Variants in ZFAT observed in about 807,000 individuals in gnomAD.
The protein encoded by ZFAT is zinc finger and AT-hook domain containing, also known as zinc finger protein ZFAT.
Under a neutral mutation model 117.7 loss-of-function variants are expected in ZFAT, and 64 were observed. The ratio of observed to expected loss-of-function variants is 0.54; its 90% CI spans 0.44 to 0.67. The LOEUF (loss-of-function observed/expected upper bound fraction) is 0.67. Ranked by LOEUF, ZFAT falls within the 30% of genes least tolerant of loss-of-function variation. The probability of loss-of-function intolerance (pLI) is 0.00; values close to 1 mark genes in which losing one functional copy is unlikely to be tolerated. For synonymous variants in ZFAT, 679 were observed against 615.0 expected, an observed-to-expected ratio of 1.10 and a Z score of -1.54; for missense variants, 1,433 against 1,584.5, an observed-to-expected ratio of 0.90 and a Z score of 1.62.
At chr8:134,726,740 C>T in the ZFAT span, among the ~76,000 whole-genome samples, 2 of 151,930 alleles carry the variant, frequency 1.3e-5, no homozygotes, top group Admixed American at 6.6e-5. Flanking sequence ...TAGCTGGGAC[C>T]GCAGGTGAAC....
At chr8:134,734,036 G>C in the ZFAT span, among the ~76,000 whole-genome samples, 237 of 152,342 alleles carry the variant, frequency 1.6e-3, no homozygotes, top group African/African-American at 5.3e-3. Flanking sequence ...AGCTCATCCT[G>C]GTTAGAGAGT....
the ZFAT span, among the ~76,000 whole-genome samples, chr8:134,745,023 C>G: frequency 6.6e-6 from 1 of 152,102 alleles, no homozygotes; most frequent in East Asian, 1.9e-4. Context: ...CCACCGCGCC[C>G]GGCCAGGAAG....
At chr8:134,552,733 C>G (rs982155580) in intron 11 of ZFAT, among the ~76,000 whole-genome samples, 5 of 152,194 alleles carry the variant, frequency 3.3e-5, no homozygotes, top group Non-Finnish European at 7.3e-5. Flanking sequence ...ATTTGTCAAA[C>G]AGCAGAGAGG....
At chr8:134,782,985 A>G in the ZFAT span, among the ~76,000 whole-genome samples, 1 of 151,982 alleles carries the variant, frequency 6.6e-6, no homozygotes, top group Non-Finnish European at 1.5e-5. Flanking sequence ...AAATATATAT[A>G]TATATACACA....
the ZFAT span, among the ~76,000 whole-genome samples, chr8:134,802,274 T>C: frequency 2.0e-4 from 30 of 152,164 alleles, no homozygotes; most frequent in South Asian, 1.2e-3. Flanking sequence ...CAAACTGATA[T>C]TCAAACTAAA....
chr8:134,480,116 C>T (rs1331054526), intron 15 of ZFAT, among the ~76,000 whole-genome samples: 1 of 152,078 alleles, frequency 6.6e-6, no homozygotes, highest in Non-Finnish European at 1.5e-5. Context: ...TATGTGCCAC[C>T]ACACCCAATG....
rs1426870557 is a variant in ZFAT, at chr8:134,512,461, C to T, written c.3361+14G>A. The T allele has an allele frequency of 2.5e-6, 4 of 1,612,498 alleles. No individual in the cohort carries two copies. The highest frequency in any genetic ancestry group is 2.2e-5 in the South Asian group (2 of 90,910). ...ACAGTTCTGAGATGGCAAAGGAAGA[C>T]CAGGCGTCCTCACCACTCTCAGAGG... On this transcript the variant is annotated intron_variant, in intron 14 of 15. Coordinates refer to ENST00000377838, the MANE Select transcript of ZFAT (RefSeq NM_020863.4).
chr8:134,541,826 A>AT (rs1209982460), intron 11 of ZFAT, among the ~76,000 whole-genome samples: 1 of 152,262 alleles, frequency 6.6e-6, no homozygotes, highest in Non-Finnish European at 1.5e-5. Context: ...AAGATCTCTT[A>AT]TCTTTACTCA....
At chr8:134,572,140 A>G (rs1014186135) in intron 10 of ZFAT, among the ~76,000 whole-genome samples, 1 of 152,262 alleles carries the variant, frequency 6.6e-6, no homozygotes, top group Non-Finnish European at 1.5e-5. Flanking sequence ...TAAACTTGTT[A>G]TTAATGAACT....
At chr8:134,667,208 A>G (rs1394126397) in intron 1 of ZFAT, among the ~76,000 whole-genome samples, 1 of 152,158 alleles carries the variant, frequency 6.6e-6, no homozygotes, top group African/African-American at 2.4e-5. Context: ...CATAGATGAC[A>G]GGTGGCTGGG....
At chr8:134,713,926 CTG>C (rs1252695344), upstream of ZFAT, among the ~76,000 whole-genome samples, 2 of 151,916 alleles carry the variant, frequency 1.3e-5, no homozygotes, top group African/African-American at 4.8e-5. Flanking sequence ...CAGAAACAAA[CTG>C]AGCCTGACAG....
intron 10 of ZFAT, among the ~76,000 whole-genome samples, chr8:134,570,648 A>G (rs1430856469): frequency 6.6e-6 from 1 of 152,128 alleles, no homozygotes; most frequent in African/African-American, 2.4e-5. Context: ...CTAGCAGTTA[A>G]TTTACAGGAG....
In ZFAT at chr8:134,478,211, A is replaced by AG; in HGVS notation, c.*270dup. 5.9e-6 allele frequency: 3 copies of AG among 506,008 alleles called. No homozygotes were observed. The highest frequency in any genetic ancestry group is 1.1e-5 in the Non-Finnish European group (3 of 279,020). The allele number at this position is 506,008 out of a possible 1,614,324, so 31.3% of individuals were successfully genotyped here. A position where few individuals can be genotyped will look rare whatever the true frequency, so the allele number is the denominator to read the frequency against. On this transcript the variant is annotated 3_prime_UTR_variant, in exon 16 of 16. Coordinates refer to ENST00000377838, the MANE Select transcript of ZFAT (RefSeq NM_020863.4). The surrounding 1 kb of genome is among the most constrained non-coding windows in gnomAD (Gnocchi z 5.2). ...AGGGGTGAAGGTGTGGGGTGTGTGT[A>AG]GGGGAGCTGACACTGAAGTCTTTCA...
chr8:134,513,887 A>G (rs1439821786), intron 13 of ZFAT, among the ~76,000 whole-genome samples: 1 of 152,250 alleles, frequency 6.6e-6, no homozygotes, highest in East Asian at 1.9e-4. Context: ...GTAGTCACCC[A>G]AAAAATATTC....
the ZFAT span, among the ~76,000 whole-genome samples, chr8:134,790,901 C>A: frequency 6.6e-6 from 1 of 151,744 alleles, no homozygotes; most frequent in Non-Finnish European, 1.5e-5. Context: ...TGTGGTCCCA[C>A]CTACTCGGGA....
chr8:134,651,480 T>G (rs1831238738), intron 2 of ZFAT, among the ~76,000 whole-genome samples: 1 of 152,228 alleles, frequency 6.6e-6, no homozygotes, highest in African/African-American at 2.4e-5. Context: ...TTGTACAATC[T>G]TGTAAACACA....
intron 11 of ZFAT, among the ~76,000 whole-genome samples, chr8:134,542,097 T>C (rs1295076864): frequency 5.9e-5 from 9 of 152,218 alleles, no homozygotes; most frequent in East Asian, 1.9e-4. Context: ...TTCCTCTCCA[T>C]GGTCACCCTC....
the ZFAT span, among the ~76,000 whole-genome samples, chr8:134,771,548 C>T: frequency 6.6e-6 from 1 of 152,344 alleles, no homozygotes; most frequent in South Asian, 2.1e-4. Flanking sequence ...GAGACCACCT[C>T]AGCCTGAATT....
intron 11 of ZFAT, among the ~76,000 whole-genome samples, chr8:134,564,180 G>A (rs1824254217): frequency 1.6e-5 from 2 of 122,580 alleles, no homozygotes; most frequent in Non-Finnish European, 3.3e-5. Context: ...AAAGAGGAGT[G>A]AGACTCCTTC....
Sources: allele counts gnomAD v4.1 joint callset (sites outside exome capture counted in the v4.1 genomes callset), GRCh38; gene constraint gnomAD v4.1.1; non-coding constraint Gnocchi (gnomAD v3.1); transcripts MANE v1.5; gene names NCBI Gene and HGNC (gene_info 2026-07-23, HGNC 2026-07-21).